XYLT1: variants seen among roughly 807,000 people sequenced by gnomAD.
XYLT1 encodes beta-D-xylosyltransferase 1.
XYLT1 carries 36 observed loss-of-function variants against 91.3 expected under a neutral mutation model. The observed-to-expected ratio is 0.39, with a 90% CI of 0.30 to 0.52. The LOEUF (loss-of-function observed/expected upper bound fraction) is 0.52. Among genes scored for constraint, XYLT1 ranks in the 20% least tolerant of loss-of-function variants. The probability of loss-of-function intolerance (pLI) is 0.68; values close to 1 mark genes in which losing one functional copy is unlikely to be tolerated. For missense variants in XYLT1, 1,242 were observed against 1,284.5 expected, an observed-to-expected ratio of 0.97 and a Z score of 0.51; for synonymous variants, 588 against 532.0, an observed-to-expected ratio of 1.11 and a Z score of -1.45.
intron 5 of XYLT1, among the ~76,000 whole-genome samples, chr16:17,162,126 G>A (rs1342679378): frequency 6.6e-6 from 1 of 152,072 alleles, no homozygotes; most frequent in Non-Finnish European, 1.5e-5. Flanking sequence ...TGTAAATTTT[G>A]GCTGGGTGTG....
intron 1 of XYLT1, among the ~76,000 whole-genome samples, chr16:17,458,838 G>A (rs2036778261): frequency 6.6e-6 from 1 of 151,782 alleles, no homozygotes; most frequent in Admixed American, 6.6e-5. Flanking sequence ...TTGATTGGCT[G>A]GTTATATTTC....
At chr16:17,224,165 A>G (rs905835662) in intron 3 of XYLT1, among the ~76,000 whole-genome samples, 1 of 152,234 alleles carries the variant, frequency 6.6e-6, no homozygotes, top group Non-Finnish European at 1.5e-5. Context: ...AGGCTGTGGT[A>G]TATTGGTCAT....
Position 17,328,548 on chromosome 16 carries a change from CA to C in XYLT1, c.402+29463del, listed in dbSNP as rs71373105. ...TGGGTGACTGAGCAAGACTCCTTCT[CA>C]AAAAAAAAAAAAAAAAAAAAAAAAA... is the stretch of plus-strand genomic sequence containing the variant. On this transcript the variant is annotated intron_variant, in intron 2 of 11. Coordinates refer to ENST00000261381, the MANE Select transcript of XYLT1 (RefSeq NM_022166.4). Among the ~76,000 whole-genome samples the C allele has an allele frequency of 3.7e-4, 19 of 51,248 alleles. 1 individual carries two copies. The highest frequency in any genetic ancestry group is 1.6e-3 in the Admixed American group (6 of 3,820). 33.6% of individuals were successfully genotyped at this position (51,248 alleles called of 152,430 possible).
At chr16:17,280,033 C>T (rs1038336148) in intron 2 of XYLT1, among the ~76,000 whole-genome samples, 1 of 152,228 alleles carries the variant, frequency 6.6e-6, no homozygotes, top group African/African-American at 2.4e-5. Flanking sequence ...CAATCAACAT[C>T]CTGCCCATGG....
chr16:17,261,037 C>T (rs1246655459), intron 2 of XYLT1, among the ~76,000 whole-genome samples: 1 of 152,170 alleles, frequency 6.6e-6, no homozygotes, highest in East Asian at 1.9e-4. Flanking sequence ...AGTTTGAGAC[C>T]AGCCTGGTCA....
chr16:17,385,491 A>C (rs1190209242), intron 1 of XYLT1, among the ~76,000 whole-genome samples: 1 of 151,798 alleles, frequency 6.6e-6, no homozygotes, highest in African/African-American at 2.4e-5. Context: ...CTTGGCACCC[A>C]ACGAGCCCTT....
At chr16:17,403,389 T>TA (rs2035992339) in intron 1 of XYLT1, 1 of 152,250 alleles carries the variant, frequency 6.6e-6, no homozygotes, top group African/African-American at 2.4e-5. Context: ...ACGCTGCTGA[T>TA]AAAGACATAC....
At chr16:17,128,513 C>G (rs557895225) in intron 9 of XYLT1, among the ~76,000 whole-genome samples, 1 of 152,318 alleles carries the variant, frequency 6.6e-6, no homozygotes, top group South Asian at 2.1e-4. Flanking sequence ...TCATTCGTCT[C>G]TCTCTCTGTT....
In XYLT1 at chr16:17,368,556, T is replaced by C. The variant is rs538288105; in HGVS notation, c.364-10506A>G. 6.2e-4 allele frequency among the ~76,000 whole-genome samples: 78 copies of C among 125,168 alleles called. 1 individual carries two copies. The highest frequency in any genetic ancestry group is 2.4e-3 in the African/African-American group (74 of 31,242). 82.1% of individuals were successfully genotyped at this position (125,168 alleles called of 152,430 possible). A position where few individuals can be genotyped will look rare whatever the true frequency, so the allele number is the denominator to read the frequency against. ...TTCCCAGAAGGCCATAAAGACTGGATAGATAGATTTTTTTTTTTTTTTTGG... is the reference window on the plus strand; with the variant it reads ...TTCCCAGAAGGCCATAAAGACTGGACAGATAGATTTTTTTTTTTTTTTTGG... On this transcript the variant is annotated intron_variant, in intron 1 of 11. Transcript: ENST00000261381.
intron 1 of XYLT1, among the ~76,000 whole-genome samples, chr16:17,402,997 C>T (rs1343292300): frequency 1.3e-5 from 2 of 152,104 alleles, no homozygotes; most frequent in Non-Finnish European, 2.9e-5. Flanking sequence ...AAATGAATCA[C>T]AAAATATTCA....
intron 5 of XYLT1, among the ~76,000 whole-genome samples, chr16:17,164,038 C>CTAAAAAAAAAA: frequency 2.3e-5 from 1 of 44,414 alleles, no homozygotes; most frequent in Non-Finnish European, 4.0e-5. Context: ...AACTCTGTCT[C>CTAAAAAAAAAA]AAAAAAAAAA....
Position 17,200,606 on chromosome 16 carries a change from A to G in XYLT1, c.962T>C (p.Met321Thr). 1 of 1,614,154 alleles carries G rather than the reference A, an allele frequency of 6.2e-7. No homozygotes were observed. The highest frequency in any genetic ancestry group is 8.5e-7 in the Non-Finnish European group (1 of 1,180,010). ...VQWDEDSVEYMPANPVRIAFV... is the reference protein window; with the variant it reads ...VQWDEDSVEYTPANPVRIAFV... ...GGCGATTCTGACCGGGTTGGCTGGC[A>G]TGTACTCCACGGAGTCCTCGTCCCA... is the stretch of plus-strand genomic sequence containing the variant. Residue 321 changes from methionine to threonine, a missense_variant, in exon 4 of 12, where the codon ATG (methionine) becomes ACG (threonine). Physicochemically the swap from Met to Thr is moderately conservative, Grantham distance 81. This residue lies in a region of XYLT1 where 294 missense variants were observed against 376.0 expected (regional missense o/e 0.78). Coordinates refer to ENST00000261381, the MANE Select transcript of XYLT1 (RefSeq NM_022166.4).
chr16:17,259,958 T>C (rs894157796), intron 2 of XYLT1, among the ~76,000 whole-genome samples: 12 of 152,136 alleles, frequency 7.9e-5, no homozygotes, highest in Admixed American at 5.9e-4. Context: ...CTTTAGGACA[T>C]GCTCATATAT....
intron 6 of XYLT1, among the ~76,000 whole-genome samples, chr16:17,150,560 C>T (rs1428928161): frequency 6.6e-6 from 1 of 152,104 alleles, no homozygotes; most frequent in African/African-American, 2.4e-5. Flanking sequence ...GTTTAGAATT[C>T]ACTGCAACCC....
intron 3 of XYLT1, among the ~76,000 whole-genome samples, chr16:17,244,162 G>C (rs892805231): frequency 1.3e-5 from 2 of 152,162 alleles, no homozygotes; most frequent in African/African-American, 4.8e-5. Context: ...TGTTCTCCCA[G>C]GTCCGGGCTT....
At chr16:17,295,635 C>T (rs569155653) in intron 2 of XYLT1, among the ~76,000 whole-genome samples, 12 of 152,150 alleles carry the variant, frequency 7.9e-5, no homozygotes, top group Non-Finnish European at 1.6e-4. Context: ...GGATTATAGG[C>T]GTGAGCCACC....
rs1206996880 is a variant in XYLT1 at position 17,470,610 on chromosome 16, G to A, written c.187C>T (p.Pro63Ser). 1.8e-6 allele frequency: 2 copies of A among 1,127,076 alleles called. No individual in the cohort carries two copies. The highest frequency in any genetic ancestry group is 4.2e-5 in the South Asian group (1 of 23,562). 69.8% of individuals were successfully genotyped at this position (1,127,076 alleles called of 1,614,324 possible). A position where few individuals can be genotyped will look rare whatever the true frequency, so the allele number is the denominator to read the frequency against. ...GGCAGGTCCCGGCGCTCCCGGCGCG[G>A]GGCCGGGGCCGGGGGCGGCTGCTCC... Reference protein sequence around the residue: ...GGEQPPPAPAPRRERRDLPAE... With the variant: ...GGEQPPPAPASRRERRDLPAE... Residue 63 changes from proline to serine, a missense_variant, in exon 1 of 12, where the codon CCG becomes TCG. By Grantham distance (74) the Pro-to-Ser change is moderately conservative (BLOSUM62 -1). This residue lies in a region of XYLT1 where 437 missense variants were observed against 411.5 expected (regional missense o/e 1.06). Coordinates refer to ENST00000261381, the MANE Select transcript of XYLT1 (RefSeq NM_022166.4).
At chr16:17,113,649 A>G (rs11862649) in intron 11 of XYLT1, among the ~76,000 whole-genome samples, 8,629 of 152,282 alleles carry the variant, frequency 0.057, 804 homozygotes, top group African/African-American at 0.19. Context: ...GGGCCCTGAC[A>G]CACTCCCTGG....
intron 2 of XYLT1, among the ~76,000 whole-genome samples, chr16:17,317,735 A>G (rs2034657982): frequency 6.6e-6 from 1 of 151,730 alleles, no homozygotes; most frequent in African/African-American, 2.4e-5. Flanking sequence ...TTTTGTAATC[A>G]GAATAAAATC....
Sources: gnomAD v4.1 joint callset for allele counts (sites outside exome capture counted in the v4.1 genomes callset) on GRCh38, gnomAD v4.1.1 for gene constraint, gnomAD v4.1.1 regional missense constraint, MANE v1.5 for transcripts, NCBI Gene and HGNC (gene_info 2026-07-23, HGNC 2026-07-21) for gene names.